SKAP2: variants seen among roughly 807,000 people sequenced by gnomAD.
SKAP2 encodes the protein src kinase-associated phosphoprotein 2.
Under a neutral mutation model 54.9 loss-of-function variants are expected in SKAP2, and 28 were observed. The ratio of observed to expected loss-of-function variants is 0.51; its 90% CI spans 0.38 to 0.70. SKAP2 has a LOEUF of 0.70. SKAP2 is among the 30% of genes least tolerant of loss of function. The probability of loss-of-function intolerance (pLI) is 0.00; values close to 1 mark genes in which losing one functional copy is unlikely to be tolerated. For missense variants in SKAP2, 356 were observed against 424.1 expected (o/e 0.84, Z 1.41); for synonymous variants, 137 against 134.3 (o/e 1.02, Z -0.14).
intron 4 of SKAP2, among the ~76,000 whole-genome samples, chr7:26,820,974 GA>G (rs1258839333): frequency 6.6e-6 from 1 of 152,072 alleles, no homozygotes; most frequent in African/African-American, 2.4e-5. Flanking sequence ...TACAAATTAA[GA>G]AACTAAGGCT....
chr7:26,747,680 A>G (rs994241477), intron 4 of SKAP2, among the ~76,000 whole-genome samples: 1 of 152,078 alleles, frequency 6.6e-6, no homozygotes, highest in Admixed American at 6.6e-5. Context: ...AAGATTAAGC[A>G]TTTGTTCAGA....
chr7:26,822,395 T>A (rs1204486997), intron 4 of SKAP2, among the ~76,000 whole-genome samples: 1 of 152,156 alleles, frequency 6.6e-6, no homozygotes, highest in Non-Finnish European at 1.5e-5. Context: ...CTATAATCAG[T>A]GATCTTTGAT....
chr7:26,862,606 G>A (rs916650622), intron 1 of SKAP2, among the ~76,000 whole-genome samples: 2 of 152,054 alleles, frequency 1.3e-5, no homozygotes, highest in African/African-American at 4.8e-5. Context: ...TATATTGGAA[G>A]TTAGCATTGG....
chr7:26,807,371 C>A (rs906128752), intron 4 of SKAP2, among the ~76,000 whole-genome samples: 10 of 152,110 alleles, frequency 6.6e-5, no homozygotes, highest in African/African-American at 2.4e-4. Context: ...CCATGTTGTT[C>A]TTGTGATAGT....
intron 1 of SKAP2, among the ~76,000 whole-genome samples, chr7:26,858,519 G>A (rs1252123826): frequency 6.6e-6 from 1 of 152,162 alleles, no homozygotes; most frequent in Non-Finnish European, 1.5e-5. Context: ...ATCTTGAGCA[G>A]TTTAAGTTAG....
chr7:26,693,659 G>T (rs1584335006), intron 9 of SKAP2, among the ~76,000 whole-genome samples: 1 of 152,176 alleles, frequency 6.6e-6, no homozygotes, highest in South Asian at 2.1e-4. Context: ...ATCCATGTAA[G>T]ATGCCATTTA....
intron 4 of SKAP2, among the ~76,000 whole-genome samples, chr7:26,797,333 C>T (rs968721049): frequency 6.6e-6 from 1 of 152,170 alleles, no homozygotes; most frequent in African/African-American, 2.4e-5. Context: ...GTTACTCCAC[C>T]CCCCAGCTTT....
At chr7:26,719,619 T>C (rs1307877207) in intron 9 of SKAP2, among the ~76,000 whole-genome samples, 3 of 152,194 alleles carry the variant, frequency 2.0e-5, no homozygotes, top group Non-Finnish European at 4.4e-5. Flanking sequence ...TAGAAACCTC[T>C]TCCTTCCAAG....
chr7:26,694,733 G>A (rs1786860516), intron 9 of SKAP2, among the ~76,000 whole-genome samples: 1 of 151,536 alleles, frequency 6.6e-6, no homozygotes, highest in Non-Finnish European at 1.5e-5. Context: ...TAAGCAAAGA[G>A]AGGAAGAATG....
intron 4 of SKAP2, among the ~76,000 whole-genome samples, chr7:26,816,351 TTTTG>T (rs1186050189): frequency 6.6e-6 from 1 of 152,014 alleles, no homozygotes; most frequent in Admixed American, 6.6e-5. Flanking sequence ...GAGAAAAAAT[TTTTG>T]TTTCTTTGGC....
intron 4 of SKAP2, among the ~76,000 whole-genome samples, chr7:26,836,500 C>A (rs1350851895): frequency 1.3e-5 from 2 of 152,166 alleles, no homozygotes; most frequent in East Asian, 1.9e-4. Context: ...AAGAAAAAAA[C>A]AAACAACCCC....
chr7:26,826,092 G>A (rs1240975100), intron 4 of SKAP2, among the ~76,000 whole-genome samples: 4 of 149,806 alleles, frequency 2.7e-5, no homozygotes, highest in African/African-American at 9.9e-5. Context: ...TTGGGCACAC[G>A]ATCCAGACCT....
In SKAP2 at chr7:26,672,229, T is replaced by G. The variant is rs534921981; in HGVS notation, c.988-2037A>C. On this transcript the variant is annotated intron_variant, in intron 11 of 12. Coordinates refer to ENST00000345317, the MANE Select transcript of SKAP2 (RefSeq NM_003930.5). ...AGTTATTACTTTATAATATTCTACT[T>G]TGGTCATAGTCTATGCTATCAACTA... 2.9e-3 allele frequency among the ~76,000 whole-genome samples: 434 copies of G among 152,130 alleles called. 4 individuals carry two copies. The highest frequency in any genetic ancestry group is 0.01 in the African/African-American group (416 of 41,542).
chr7:26,726,824 A>T, intron 7 of SKAP2, 58 bp downstream of exon 7: 1 of 1,408,256 alleles, frequency 7.1e-7, no homozygotes, highest in South Asian at 1.3e-5. Context: ...TAATGTCTCT[A>T]TAAATGAAAT....
intron 6 of SKAP2, among the ~76,000 whole-genome samples, chr7:26,736,875 A>T (rs977173816): frequency 6.6e-6 from 1 of 152,070 alleles, no homozygotes; most frequent in Non-Finnish European, 1.5e-5. Context: ...AGCTTGGGTG[A>T]CAGAGTGAGG....
At position 26,779,117 on chromosome 7, in the gene SKAP2, T is replaced by C. The variant is rs963188750; in HGVS notation, c.308-39153A>G. On this transcript the variant is annotated intron_variant, in intron 4 of 12. Coordinates refer to ENST00000345317, the MANE Select transcript of SKAP2 (RefSeq NM_003930.5). ...GTAATAACTGTTCTTAATTTGTGAATAGAAATGTGAATTCAAATATGTTAT... is the reference window on the plus strand; with the variant it reads ...GTAATAACTGTTCTTAATTTGTGAACAGAAATGTGAATTCAAATATGTTAT... Among the ~76,000 whole-genome samples, 5 of 152,154 alleles carry C rather than the reference T, an allele frequency of 3.3e-5. No homozygotes were observed. The East Asian group carries it at 5.8e-4, about 18-fold the overall frequency.
chr7:26,858,249 C>G (rs1223124314), intron 1 of SKAP2: 3 of 152,116 alleles, frequency 2.0e-5, no homozygotes, highest in Non-Finnish European at 4.4e-5. Context: ...TTGCATTTAA[C>G]CCCAGAATTA....
At chr7:26,849,133 T>C (rs748266557) in intron 3 of SKAP2, among the ~76,000 whole-genome samples, 22 of 152,150 alleles carry the variant, frequency 1.4e-4, no homozygotes, top group Non-Finnish European at 3.1e-4. Flanking sequence ...AAAAAGGAAA[T>C]TAAACATCAT....
At chr7:26,849,533 A>AT (rs1433683473) in intron 3 of SKAP2, among the ~76,000 whole-genome samples, 1 of 151,928 alleles carries the variant, frequency 6.6e-6, no homozygotes, top group Non-Finnish European at 1.5e-5. Context: ...AAAATACAAA[A>AT]AATTAGCCAG....
Sources: allele counts gnomAD v4.1 joint callset (sites outside exome capture counted in the v4.1 genomes callset), GRCh38; gene constraint gnomAD v4.1.1; transcripts MANE v1.5; gene names NCBI Gene and HGNC (gene_info 2026-07-23, HGNC 2026-07-21).